DAB1: variants seen among roughly 807,000 people sequenced by gnomAD.
DAB1 encodes the protein DAB adaptor protein 1.
DAB1 carries 15 observed loss-of-function variants against 64.6 expected under a neutral mutation model. The observed-to-expected ratio is 0.23, with a 90% CI of 0.16 to 0.36. The LOEUF (loss-of-function observed/expected upper bound fraction) is 0.36, where lower values mean the gene tolerates loss of function less well. Among genes scored for constraint, DAB1 ranks in the 10% least tolerant of loss-of-function variants. The pLI is 1.00. For missense variants in DAB1, 596 were observed against 706.7 expected (o/e 0.84, Z 1.78); for synonymous variants, 235 against 251.9 (o/e 0.93, Z 0.64).
At chr1:57,515,883 C>T (rs1644458628) in intron 7 of DAB1, among the ~76,000 whole-genome samples, 1 of 152,158 alleles carries the variant, frequency 6.6e-6, no homozygotes, top group African/African-American at 2.4e-5. Flanking sequence ...AGATTTCCTA[C>T]CAGAAAGTAC....
At chr1:57,440,879 A>G (rs754756260) in intron 7 of DAB1, among the ~76,000 whole-genome samples, 6 of 152,128 alleles carry the variant, frequency 3.9e-5, no homozygotes, top group Non-Finnish European at 8.8e-5. Flanking sequence ...ATAATCTGAT[A>G]TTTTATTTTA....
At chr1:58,072,097 G>A (rs1649311633) in intron 5 of DAB1, among the ~76,000 whole-genome samples, 1 of 130,514 alleles carries the variant, frequency 7.7e-6, no homozygotes, top group Non-Finnish European at 1.7e-5. Flanking sequence ...GGGGGGGGTG[G>A]GTAGTAGGGA....
rs564595954 is a variant in DAB1 at position 57,599,518 on chromosome 1, T to C, written n.625+50074A>G. On this transcript the variant is annotated intron_variant and non_coding_transcript_variant, in intron 7 of 20. Transcript: ENST00000485760. ...CGTGGGACCAAATCGACTCTGTCAC[T>C]GACAAGCAGCAGCGGGAGCTCGAGT... 2.6e-5 allele frequency among the ~76,000 whole-genome samples: 4 copies of C among 152,126 alleles called. No homozygotes were observed. In the South Asian group the frequency reaches 8.3e-4, roughly 32 times the overall value.
intron 6 of DAB1, among the ~76,000 whole-genome samples, chr1:57,715,979 C>T (rs750279996): frequency 6.6e-6 from 1 of 152,160 alleles, no homozygotes; most frequent in African/African-American, 2.4e-5. Context: ...GGCATGAACT[C>T]GGCTCACTGC....
intron 7 of DAB1, among the ~76,000 whole-genome samples, chr1:57,461,939 T>C (rs1212409917): frequency 6.2e-5 from 9 of 144,984 alleles, no homozygotes; most frequent in African/African-American, 2.3e-4. Flanking sequence ...GGATAAGATA[T>C]ACTCTTTTTT....
chr1:57,912,946 A>T (rs536338051), intron 5 of DAB1, among the ~76,000 whole-genome samples: 1 of 152,298 alleles, frequency 6.6e-6, no homozygotes, highest in East Asian at 1.9e-4. Flanking sequence ...ATAAAAGAGG[A>T]TACAAACAAA....
intron 5 of DAB1, among the ~76,000 whole-genome samples, chr1:58,037,803 A>G (rs1647068713): frequency 6.6e-6 from 1 of 152,086 alleles, no homozygotes; most frequent in South Asian, 2.1e-4. Flanking sequence ...CCCACTCTGT[A>G]CTTCTGTGCA....
intron 3 of DAB1, among the ~76,000 whole-genome samples, chr1:58,367,016 C>G (rs538371222): frequency 3.3e-5 from 5 of 152,238 alleles, no homozygotes; most frequent in Non-Finnish European, 5.9e-5. Context: ...ATAAACAACA[C>G]TTTTTTCTTT....
chr1:58,443,158 C>T (rs1044147603), intron 3 of DAB1, among the ~76,000 whole-genome samples: 3 of 152,108 alleles, frequency 2.0e-5, no homozygotes, highest in Non-Finnish European at 2.9e-5. Flanking sequence ...GGTGGACCAG[C>T]TCTCCCATCA....
Position 57,899,762 on chromosome 1 carries a change from T to C in DAB1, n.388-15600A>G, listed in dbSNP as rs112100335. ...TCACCTTTCTTTTAACCTTGCACAA[T>C]GCACAGCATTTATGTCAAGATCCGG... On this transcript the variant is annotated intron_variant and non_coding_transcript_variant, in intron 5 of 20. Coordinates refer to the DAB1 transcript ENST00000485760. 1.4e-3 allele frequency among the ~76,000 whole-genome samples: 210 copies of C among 152,104 alleles called. 1 individual carries two copies. The highest frequency in any genetic ancestry group is 3.4e-3 in the Middle Eastern group (1 of 294).
At chr1:58,124,368 A>G (rs1323147547) in intron 5 of DAB1, among the ~76,000 whole-genome samples, 1 of 152,074 alleles carries the variant, frequency 6.6e-6, no homozygotes, top group Non-Finnish European at 1.5e-5. Flanking sequence ...GCTTCCTTAA[A>G]TATGGTGTAC....
rs1654617341 is a variant in DAB1, at chr1:58,146,758, T to C, written n.387+3753A>G. ...CTATTATAAATTCTATTATTTATAA[T>C]AGAATATATGTGAATATATTGCACA... On this transcript the variant is annotated intron_variant and non_coding_transcript_variant, in intron 5 of 20. Coordinates refer to the DAB1 transcript ENST00000485760. Among the ~76,000 whole-genome samples, 2 of 151,980 alleles carry C rather than the reference T, an allele frequency of 1.3e-5. 1 individual carries two copies. The highest frequency in any genetic ancestry group is 4.1e-4 in the South Asian group (2 of 4,826).
chr1:58,396,469 A>C (rs571763693), intron 3 of DAB1, among the ~76,000 whole-genome samples: 23 of 151,518 alleles, frequency 1.5e-4, no homozygotes, highest in Non-Finnish European at 3.1e-4. Context: ...AGGAGGGAGG[A>C]GGGAAAGGAG....
chr1:58,214,132 G>A (rs977460182), intron 4 of DAB1, among the ~76,000 whole-genome samples: 1 of 152,076 alleles, frequency 6.6e-6, no homozygotes, highest in Non-Finnish European at 1.5e-5. Context: ...ATTTTCTGCA[G>A]CCTCCTGTCA....
At chr1:57,255,943 A>C (rs1237985929) in intron 2 of DAB1, among the ~76,000 whole-genome samples, 3 of 152,238 alleles carry the variant, frequency 2.0e-5, no homozygotes, top group Admixed American at 2.0e-4. Flanking sequence ...TACTTGCCTT[A>C]ATGTGCCATT....
intron 3 of DAB1, among the ~76,000 whole-genome samples, chr1:58,440,824 C>T (rs939327370): frequency 6.6e-6 from 1 of 152,098 alleles, no homozygotes; most frequent in Admixed American, 6.5e-5. Context: ...AGAGACAGAT[C>T]CTGAGACAAG....
chr1:57,444,052 T>G (rs57286771), intron 7 of DAB1, among the ~76,000 whole-genome samples: 4,300 of 152,252 alleles, frequency 0.028, 71 homozygotes, highest in South Asian at 0.057. Flanking sequence ...CCCTGTTCCC[T>G]AGACCCCAGC....
chr1:57,639,683 A>C (rs1468863203), intron 7 of DAB1, among the ~76,000 whole-genome samples: 1 of 152,134 alleles, frequency 6.6e-6, no homozygotes, highest in Non-Finnish European at 1.5e-5. Context: ...ACTGTGCATC[A>C]TGCTCAGCAC....
At chr1:58,062,419 G>A (rs773651059) in intron 5 of DAB1, among the ~76,000 whole-genome samples, 1 of 152,192 alleles carries the variant, frequency 6.6e-6, no homozygotes, top group African/African-American at 2.4e-5. Flanking sequence ...ACCTTCAAAT[G>A]GTAGAATCCC....
Sources: gnomAD v4.1 joint callset for allele counts (sites outside exome capture counted in the v4.1 genomes callset) on GRCh38, gnomAD v4.1.1 for gene constraint, MANE v1.5 for transcripts, NCBI Gene and HGNC (gene_info 2026-07-23, HGNC 2026-07-21) for gene names.